Variants in MGAT5 observed in about 807,000 individuals in gnomAD.
MGAT5 encodes alpha-1,6-mannosylglycoprotein 6-beta-N-acetylglucosaminyltransferase, also known as alpha-1,6-mannosylglycoprotein 6-beta-N-acetylglucosaminyltransferase A.
A neutral mutation model predicts 94.3 loss-of-function variants in MGAT5; 30 were observed. The ratio of observed to expected loss-of-function variants is 0.32; its 90% CI spans 0.24 to 0.43. The LOEUF is 0.43. Ranked by LOEUF, MGAT5 falls within the 20% of genes least tolerant of loss-of-function variation. MGAT5 has a pLI of 1.00. For missense variants in MGAT5, 691 were observed against 905.5 expected (o/e 0.76, Z 3.04); for synonymous variants, 310 against 322.9 (o/e 0.96, Z 0.43).
intron 13 of MGAT5, among the ~76,000 whole-genome samples, chr2:134,424,370 C>T (rs942264828): frequency 4.6e-5 from 7 of 152,188 alleles, no homozygotes; most frequent in African/African-American, 1.2e-4. Context: ...GTGCTCTACC[C>T]GCTTCAAGGT....
At chr2:134,315,368 C>T (rs1231157499) in intron 2 of MGAT5, among the ~76,000 whole-genome samples, 3 of 152,142 alleles carry the variant, frequency 2.0e-5, no homozygotes, top group African/African-American at 7.2e-5. Flanking sequence ...GGCCAAAACC[C>T]CCCATCATGC....
At chr2:134,441,604 T>C (rs910667714) in intron 14 of MGAT5, among the ~76,000 whole-genome samples, 154 bp from the exon 15 acceptor site, 2 of 152,188 alleles carry the variant, frequency 1.3e-5, no homozygotes, top group East Asian at 3.9e-4. Context: ...ATATTCCAGC[T>C]GAGCCCCAAT....
chr2:134,161,428 A>G (rs1687727638), intron 1 of MGAT5, among the ~76,000 whole-genome samples: 1 of 152,196 alleles, frequency 6.6e-6, no homozygotes, highest in East Asian at 1.9e-4. Context: ...CTGGTAACTC[A>G]TTCAACTTCT....
intron 1 of MGAT5, among the ~76,000 whole-genome samples, chr2:134,160,583 A>C (rs1687687461): frequency 6.6e-6 from 1 of 152,206 alleles, no homozygotes. Flanking sequence ...GTATGAACAC[A>C]TCTGGTCCTC....
In MGAT5 at chr2:134,336,226, T is replaced by C. The variant is rs1193994220; in HGVS notation, c.583T>C (p.Trp195Arg). The change falls in exon 5 of 16, where the codon TGG becomes CGG. Residue 195 changes from tryptophan (W) to arginine (R), a missense_variant. Physicochemically the swap from Trp to Arg is moderately radical, Grantham distance 101 (BLOSUM62 -3). This residue lies in a region of MGAT5 where 307 missense variants were observed against 335.4 expected (regional missense o/e 0.92). Coordinates refer to ENST00000281923, the MANE Select transcript of MGAT5 (RefSeq NM_002410.5). ...CACTGATGCTTTTTAGGTTGAAAAT[T>C]GGTGTCCTCATTTACCTTGGAGAGC... The part of the protein sequence containing the change: ...FFIYLSEVEN[W>R]CPHLPWRAKN... 6.2e-7 allele frequency: 1 copy of C among 1,612,446 alleles called. No individual in the cohort carries two copies. Among genetic ancestry groups the C allele is most frequent in the Non-Finnish European group, 8.5e-7 (1 of 1,179,066 alleles).
In MGAT5 at chr2:134,330,693, G is replaced by A. The variant is rs1447611608; in HGVS notation, c.574-5524G>A. ...TGTGAAATGTATAATATGTAGATTA[G>A]CAAAAAGAAAATGAAAAGCACCCAG... On this transcript the variant is annotated intron_variant, in intron 4 of 15. Transcript: ENST00000281923. Among the ~76,000 whole-genome samples, 6 of 152,036 alleles carry A rather than the reference G, an allele frequency of 3.9e-5. No homozygotes were observed. The South Asian group carries it at 8.3e-4, about 21-fold the overall frequency.
chr2:134,277,558 T>C (rs1204013921), intron 2 of MGAT5, among the ~76,000 whole-genome samples: 1 of 151,644 alleles, frequency 6.6e-6, no homozygotes, highest in Non-Finnish European at 1.5e-5. Flanking sequence ...TCCCACCAGC[T>C]CCCTCCCCTG....
At chr2:134,430,148 G>A (rs1158779512) in intron 14 of MGAT5, among the ~76,000 whole-genome samples, 6 of 152,176 alleles carry the variant, frequency 3.9e-5, no homozygotes, top group South Asian at 2.1e-4. Flanking sequence ...AGCTCTTGCC[G>A]CCATCTCGGC....
chr2:134,167,427 T>A (rs1688012506), intron 1 of MGAT5, among the ~76,000 whole-genome samples: 1 of 152,182 alleles, frequency 6.6e-6, no homozygotes, highest in Non-Finnish European at 1.5e-5. Context: ...CATCCAAGAA[T>A]CACCTGGAGG....
At chr2:134,340,280 C>G (rs540908712) in intron 6 of MGAT5, among the ~76,000 whole-genome samples, 2 of 152,174 alleles carry the variant, frequency 1.3e-5, no homozygotes, top group Non-Finnish European at 1.5e-5. Flanking sequence ...GGAAAAATGG[C>G]TTATTAAGGT....
intron 1 of MGAT5, among the ~76,000 whole-genome samples, chr2:134,208,709 G>A (rs1307770068): frequency 2.0e-5 from 3 of 152,220 alleles, no homozygotes; most frequent in Admixed American, 1.3e-4. Flanking sequence ...TGTATGAAAT[G>A]CCCAAGGGAA....
At chr2:134,357,176 A>G (rs1376219491) in intron 9 of MGAT5, among the ~76,000 whole-genome samples, 3 of 152,212 alleles carry the variant, frequency 2.0e-5, no homozygotes, top group South Asian at 2.1e-4. Context: ...TTTTTAATCC[A>G]TGCAACAATG....
At chr2:134,171,007 C>A (rs189234424) in intron 1 of MGAT5, among the ~76,000 whole-genome samples, 34 of 152,090 alleles carry the variant, frequency 2.2e-4, no homozygotes, top group Admixed American at 6.5e-4. Context: ...ATTACAGGCA[C>A]GTACCATCAC....
intron 9 of MGAT5, among the ~76,000 whole-genome samples, chr2:134,356,459 G>T (rs1195908890): frequency 1.3e-5 from 2 of 152,100 alleles, no homozygotes; most frequent in African/African-American, 2.4e-5. Flanking sequence ...TTTGGTTGTC[G>T]ATTTTATCCA....
At chr2:134,384,198 T>G (rs1681817673) in intron 10 of MGAT5, among the ~76,000 whole-genome samples, 1 of 130,914 alleles carries the variant, frequency 7.6e-6, no homozygotes, top group African/African-American at 2.8e-5. Context: ...ACTAAAATAT[T>G]TATTATCCGG....
chr2:134,387,301 G>GATATATATATATATATATAT lies in MGAT5; in HGVS notation c.1381-15674_1381-15655dup, dbSNP rs1553458949. ...AAATAAAAAATAAAAAGTTATGTAT[G>GATATATATATATATATATAT]ATATATATATATATATATATATATA... is the stretch of plus-strand genomic sequence containing the variant. On this transcript the variant is annotated intron_variant, in intron 10 of 15. Transcript: ENST00000281923. Among the ~76,000 whole-genome samples the GATATATATATATATATATAT allele has an allele frequency of 5.6e-4, 24 of 42,590 alleles. 1 individual carries two copies. Among genetic ancestry groups the GATATATATATATATATATAT allele is most frequent in the East Asian group, 9.6e-4 (1 of 1,044 alleles). The allele number at this position is 42,590 out of a possible 152,430, so 27.9% of individuals were successfully genotyped here. A position where few individuals can be genotyped will look rare whatever the true frequency, so the allele number is the denominator to read the frequency against.
chr2:134,398,264 C>T (rs1268918760), intron 10 of MGAT5, among the ~76,000 whole-genome samples: 1 of 152,166 alleles, frequency 6.6e-6, no homozygotes, highest in Non-Finnish European at 1.5e-5. Flanking sequence ...CCTGTTAGGC[C>T]TTCTCTGTAG....
intron 10 of MGAT5, among the ~76,000 whole-genome samples, chr2:134,383,239 ATTAG>A (rs1285054635): frequency 1.3e-5 from 2 of 152,200 alleles, no homozygotes; most frequent in African/African-American, 4.8e-5. Context: ...GATTTTTTCT[ATTAG>A]TTCATCACCT....
intron 2 of MGAT5, among the ~76,000 whole-genome samples, chr2:134,311,531 G>GTC (rs138510728): frequency 0.011 from 1,602 of 151,170 alleles, 20 homozygotes; most frequent in African/African-American, 0.029. Context: ...GCAAACTCCT[G>GTC]TCTCTCTCTC....
Sources: gnomAD v4.1 joint callset for allele counts (sites outside exome capture counted in the v4.1 genomes callset) on GRCh38, gnomAD v4.1.1 for gene constraint, gnomAD v4.1.1 regional missense constraint, MANE v1.5 for transcripts, NCBI Gene and HGNC (gene_info 2026-07-23, HGNC 2026-07-21) for gene names.